Variants in CDH13 observed in about 807,000 individuals in gnomAD.
CDH13 encodes the protein cadherin-13.
Under a neutral mutation model 63.8 loss-of-function variants are expected in CDH13, and 24 were observed. The ratio of observed to expected loss-of-function variants is 0.38; its 90% confidence interval spans 0.27 to 0.53. The LOEUF is 0.53. CDH13 is among the 20% of genes least tolerant of loss of function. The probability of loss-of-function intolerance (pLI) is 0.85; values close to 1 mark genes in which losing one functional copy is unlikely to be tolerated. For missense variants in CDH13, 1,049 were observed against 903.1 expected (o/e 1.16, Z -2.07); for synonymous variants, 503 against 355.3 (o/e 1.42, Z -4.67).
At chr16:83,508,741 C>G (rs1250122849) in intron 7 of CDH13, among the ~76,000 whole-genome samples, 2 of 152,200 alleles carry the variant, frequency 1.3e-5, no homozygotes, top group African/African-American at 2.4e-5. Context: ...ACTTCTCTTT[C>G]TCCCTCACTT....
intron 8 of CDH13, among the ~76,000 whole-genome samples, chr16:83,622,591 G>C (rs1181020898): frequency 6.6e-6 from 1 of 152,138 alleles, no homozygotes; most frequent in Non-Finnish European, 1.5e-5. Context: ...TTGAAATCCA[G>C]GTTTTACTCA....
chr16:83,312,237 A>G (rs188753744), intron 5 of CDH13, among the ~76,000 whole-genome samples: 1 of 152,242 alleles, frequency 6.6e-6, no homozygotes, highest in East Asian at 1.9e-4. Flanking sequence ...GTCTGTGTCC[A>G]TACAGATGCG....
At chr16:82,639,449 C>T in intron 1 of CDH13, 1 of 1,534,054 alleles carries the variant, frequency 6.5e-7, no homozygotes, top group Non-Finnish European at 8.7e-7. Context: ...GACCCACCTG[C>T]AGCTTCAACC....
At chr16:83,722,080 A>C (rs912460935) in intron 10 of CDH13, among the ~76,000 whole-genome samples, 2 of 152,104 alleles carry the variant, frequency 1.3e-5, no homozygotes, top group African/African-American at 4.8e-5. Flanking sequence ...GAAGCAAGCT[A>C]CTCATTCCCA....
chr16:82,841,197 A>G (rs967094804), intron 1 of CDH13, among the ~76,000 whole-genome samples: 1 of 152,188 alleles, frequency 6.6e-6, no homozygotes, highest in Non-Finnish European at 1.5e-5. Flanking sequence ...ATGCTCGGTG[A>G]AAATCCCTGA....
intron 3 of CDH13, among the ~76,000 whole-genome samples, chr16:83,116,276 G>T (rs1260382132): frequency 6.6e-6 from 1 of 152,194 alleles, no homozygotes; most frequent in African/African-American, 2.4e-5. Context: ...AACCGGGGAG[G>T]TGTTATCAGC....
chr16:82,778,558 G>T (rs1189699694), intron 1 of CDH13, among the ~76,000 whole-genome samples: 2 of 119,456 alleles, frequency 1.7e-5, no homozygotes, highest in South Asian at 2.8e-4. Flanking sequence ...ATGGCCTTTG[G>T]AATCACGACC....
At chr16:83,345,199 G>A (rs2090814603) in intron 6 of CDH13, among the ~76,000 whole-genome samples, 193 bp downstream of exon 6, 1 of 152,194 alleles carries the variant, frequency 6.6e-6, no homozygotes, top group Non-Finnish European at 1.5e-5. Flanking sequence ...GCAAGCTACG[G>A]AAATCTCTTT....
At chr16:82,648,959 G>T (rs987692521) in intron 1 of CDH13, among the ~76,000 whole-genome samples, 4 of 152,170 alleles carry the variant, frequency 2.6e-5, no homozygotes, top group Non-Finnish European at 5.9e-5. Context: ...AAAAGAAAGA[G>T]CCAATTTTAG....
At chr16:82,702,153 G>T (rs1474838964) in intron 1 of CDH13, among the ~76,000 whole-genome samples, 1 of 152,112 alleles carries the variant, frequency 6.6e-6, no homozygotes, top group East Asian at 1.9e-4. Context: ...TTGCTCTGCT[G>T]CTGAGATCCA....
intron 2 of CDH13, among the ~76,000 whole-genome samples, chr16:82,900,775 T>G (rs1768141264): frequency 6.6e-6 from 1 of 152,230 alleles, no homozygotes; most frequent in Admixed American, 6.5e-5. Flanking sequence ...TTAGCTTTTG[T>G]GCAGAATAGT....
At chr16:83,387,318 A>C (rs149433069) in intron 6 of CDH13, among the ~76,000 whole-genome samples, 1 of 152,184 alleles carries the variant, frequency 6.6e-6, no homozygotes, top group Non-Finnish European at 1.5e-5. Context: ...GAAAGTTCTT[A>C]TTCTCCACTG....
intron 1 of CDH13, among the ~76,000 whole-genome samples, chr16:82,635,205 A>G (rs1471324988): frequency 2.0e-5 from 3 of 152,250 alleles, no homozygotes; most frequent in Non-Finnish European, 2.9e-5. Flanking sequence ...TGCCTGGCAC[A>G]TAGTACTCAG....
At chr16:83,064,523 A>T (rs1378713327) in intron 3 of CDH13, among the ~76,000 whole-genome samples, 1 of 152,230 alleles carries the variant, frequency 6.6e-6, no homozygotes, top group African/African-American at 2.4e-5. Flanking sequence ...AATTAATATT[A>T]GCAATATCTT....
intron 1 of CDH13, among the ~76,000 whole-genome samples, chr16:82,668,423 T>C (rs886899666): frequency 4.6e-5 from 7 of 152,104 alleles, no homozygotes; most frequent in African/African-American, 9.7e-5. Flanking sequence ...AATAAGTAGA[T>C]AGGGAGGCAT....
At chr16:83,551,168 G>A (rs574854129) in intron 7 of CDH13, among the ~76,000 whole-genome samples, 114 of 151,986 alleles carry the variant, frequency 7.5e-4, no homozygotes, top group African/African-American at 2.7e-3. Flanking sequence ...TGCAAACTCC[G>A]CCTCCCGGGT....
chr16:83,079,891 G>C (rs1365812552), intron 3 of CDH13, among the ~76,000 whole-genome samples: 1 of 152,170 alleles, frequency 6.6e-6, no homozygotes, highest in Non-Finnish European at 1.5e-5. Context: ...TTAAAAACAA[G>C]CTTATTTCTA....
intron 4 of CDH13, among the ~76,000 whole-genome samples, chr16:83,206,556 T>C (rs1224604849): frequency 6.6e-6 from 1 of 152,242 alleles, no homozygotes; most frequent in Non-Finnish European, 1.5e-5. Flanking sequence ...CGAGATACAT[T>C]CATTCACTAG....
At chr16:82,866,412 G>A (rs1381156989) in intron 2 of CDH13, among the ~76,000 whole-genome samples, 1 of 64,218 alleles carries the variant, frequency 1.6e-5, no homozygotes, top group African/African-American at 5.9e-5. Flanking sequence ...TTTTTGAGAT[G>A]GAGTCTCACT....
Sources: gnomAD v4.1 joint callset for allele counts (sites outside exome capture counted in the v4.1 genomes callset) on GRCh38, gnomAD v4.1.1 for gene constraint, MANE v1.5 for transcripts, NCBI Gene and HGNC (gene_info 2026-07-23, HGNC 2026-07-21) for gene names.